The following BRINP1 variants were observed in gnomAD, a reference collection of about 807,000 sequenced individuals.
The protein encoded by BRINP1 is BMP/retinoic acid-inducible neural-specific protein 1.
Under a neutral mutation model 72.9 loss-of-function variants are expected in BRINP1, and 17 were observed. The observed-to-expected ratio is 0.23, with a 90% CI of 0.16 to 0.35. The LOEUF is 0.35. Among genes scored for constraint, BRINP1 ranks in the 10% least tolerant of loss-of-function variants. The pLI is 1.00. For missense variants in BRINP1, 850 were observed against 1,001.6 expected (o/e 0.85, Z 2.04); for synonymous variants, 418 against 378.5 (o/e 1.10, Z -1.21).
chr9:119,191,836 C>T (rs1829686825), intron 7 of BRINP1, among the ~76,000 whole-genome samples: 1 of 151,734 alleles, frequency 6.6e-6, no homozygotes, highest in African/African-American at 2.4e-5. Flanking sequence ...ATCGTGCTTC[C>T]TGATTTAAAA....
rs1188893290 is a variant in BRINP1, at chr9:119,368,767, C to T, written c.-51+289G>A. 6.6e-6 allele frequency among the ~76,000 whole-genome samples: 1 copy of T among 152,188 alleles called. No homozygotes were observed. On this transcript the variant is annotated intron_variant, in intron 1 of 7. Transcript: ENST00000265922. This position sits in a 1 kb window ranked among gnomAD's most constrained non-coding sequence, Gnocchi z 4.7. ...TCAAACGCAAACGACGCCGCACACG[C>T]AAACACACTAGCACCACATCAAGTT...
intron 1 of BRINP1, among the ~76,000 whole-genome samples, chr9:119,332,455 T>C (rs1249170792): frequency 6.6e-6 from 1 of 152,190 alleles, no homozygotes; most frequent in East Asian, 1.9e-4. Flanking sequence ...TGTCATGTAC[T>C]TTTTAGCCCT....
At chr9:119,254,892 C>A (rs1378129974) in intron 2 of BRINP1, among the ~76,000 whole-genome samples, 1 of 152,186 alleles carries the variant, frequency 6.6e-6, no homozygotes, top group Non-Finnish European at 1.5e-5. Context: ...GTCCTAAAAG[C>A]TTCACTCTAA....
chr9:119,253,864 A>G (rs148648184), intron 2 of BRINP1, among the ~76,000 whole-genome samples: 2 of 152,330 alleles, frequency 1.3e-5, no homozygotes, highest in East Asian at 3.9e-4. Flanking sequence ...AAACTATGAT[A>G]GTAGATTACA....
chr9:119,255,062 C>A (rs1424730695), intron 2 of BRINP1, among the ~76,000 whole-genome samples: 1 of 152,176 alleles, frequency 6.6e-6, no homozygotes, highest in African/African-American at 2.4e-5. Flanking sequence ...ATACCCTTTC[C>A]ATTGCAACAT....
intron 1 of BRINP1, among the ~76,000 whole-genome samples, chr9:119,337,351 T>C (rs116410183): frequency 0.021 from 3,233 of 152,226 alleles, 128 homozygotes; most frequent in African/African-American, 0.074. Flanking sequence ...GGAAGGACAG[T>C]AGAGAGCTTC....
intron 1 of BRINP1, among the ~76,000 whole-genome samples, chr9:119,316,261 T>A (rs953630638): frequency 6.6e-6 from 1 of 152,168 alleles, no homozygotes; most frequent in African/African-American, 2.4e-5. Flanking sequence ...TCATTTTTTG[T>A]ATATTTAGTA....
At chr9:119,250,883 T>C (rs1002338460) in intron 2 of BRINP1, among the ~76,000 whole-genome samples, 1 of 151,976 alleles carries the variant, frequency 6.6e-6, no homozygotes, top group Non-Finnish European at 1.5e-5. Context: ...CAGAGTTTAA[T>C]GAAAAGGTCT....
intron 1 of BRINP1, among the ~76,000 whole-genome samples, chr9:119,320,886 CAT>C (rs1348772183): frequency 6.6e-6 from 1 of 152,040 alleles, no homozygotes; most frequent in Non-Finnish European, 1.5e-5. Context: ...TTGCTTTACA[CAT>C]GTGACCCATA....
chr9:119,361,659 C>T (rs1831632428), intron 1 of BRINP1, among the ~76,000 whole-genome samples: 2 of 151,832 alleles, frequency 1.3e-5, no homozygotes, highest in Admixed American at 1.3e-4. Context: ...CTCACTCTGT[C>T]ACCCAGGCTG....
At chr9:119,175,360 G>A (rs926184426) in intron 7 of BRINP1, among the ~76,000 whole-genome samples, 6 of 151,996 alleles carry the variant, frequency 3.9e-5, no homozygotes, top group South Asian at 2.1e-4. Context: ...ACTACACACT[G>A]GGGTTTGTCA....
At chr9:119,266,550 G>A (rs1243324938) in intron 2 of BRINP1, among the ~76,000 whole-genome samples, 1 of 152,116 alleles carries the variant, frequency 6.6e-6, no homozygotes, top group Non-Finnish European at 1.5e-5. Flanking sequence ...GTATTAAAAT[G>A]TACAGTACTC....
chr9:119,362,229 G>T (rs111868010), intron 1 of BRINP1, among the ~76,000 whole-genome samples: 3 of 152,154 alleles, frequency 2.0e-5, no homozygotes, highest in African/African-American at 7.2e-5. Context: ...TTCTTGAGGG[G>T]GTCTAGATAT....
At chr9:119,204,078 T>G (rs900196323) in intron 7 of BRINP1, among the ~76,000 whole-genome samples, 1 of 152,150 alleles carries the variant, frequency 6.6e-6, no homozygotes, top group East Asian at 1.9e-4. Context: ...AGAAGTCCAG[T>G]CCCCGTGGAG....
intron 5 of BRINP1, among the ~76,000 whole-genome samples, chr9:119,227,950 C>CA (rs1242858526): frequency 1.3e-5 from 2 of 151,780 alleles, no homozygotes; most frequent in Non-Finnish European, 2.9e-5. Flanking sequence ...GATAGCATCT[C>CA]AAAAAAATGT....
chr9:119,236,478 T>C (rs1042802091), intron 5 of BRINP1, among the ~76,000 whole-genome samples: 18 of 152,210 alleles, frequency 1.2e-4, no homozygotes, highest in East Asian at 1.2e-3. Flanking sequence ...TTAAGCTTCA[T>C]TGGCTTCAGG....
At chr9:119,327,606 A>G (rs1831252976) in intron 1 of BRINP1, among the ~76,000 whole-genome samples, 1 of 152,182 alleles carries the variant, frequency 6.6e-6, no homozygotes, top group South Asian at 2.1e-4. Context: ...GCAATTGAGG[A>G]CACTATAGAT....
chr9:119,216,009 T>C (rs1738714017), intron 5 of BRINP1, among the ~76,000 whole-genome samples: 1 of 152,208 alleles, frequency 6.6e-6, no homozygotes, highest in Non-Finnish European at 1.5e-5. Flanking sequence ...AAAGAATGCC[T>C]ACAAATTATC....
intron 5 of BRINP1, among the ~76,000 whole-genome samples, chr9:119,237,203 T>C (rs188360886): frequency 6.6e-6 from 1 of 152,260 alleles, no homozygotes; most frequent in Admixed American, 6.5e-5. Flanking sequence ...AGTTAAAGCA[T>C]GTCATTTTTT....
Sources: allele counts gnomAD v4.1 joint callset (sites outside exome capture counted in the v4.1 genomes callset), GRCh38; gene constraint gnomAD v4.1.1; non-coding constraint Gnocchi (gnomAD v3.1); transcripts MANE v1.5; gene names NCBI Gene and HGNC (gene_info 2026-07-23, HGNC 2026-07-21).